The following MGAT5 variants were observed in gnomAD, a reference collection of about 807,000 sequenced individuals.
MGAT5 encodes the protein alpha-1,6-mannosylglycoprotein 6-beta-N-acetylglucosaminyltransferase.
Under a neutral mutation model 94.3 loss-of-function variants are expected in MGAT5, and 30 were observed. The ratio of observed to expected loss-of-function variants is 0.32; its 90% CI spans 0.24 to 0.43. MGAT5 has a LOEUF of 0.43. Among genes scored for constraint, MGAT5 ranks in the 20% least tolerant of loss-of-function variants. The pLI, the probability that MGAT5 is intolerant of heterozygous loss-of-function variation, is 1.00. For synonymous variants in MGAT5, 310 were observed against 322.9 expected, an observed-to-expected ratio of 0.96 and a Z score of 0.43; for missense variants, 691 against 905.5, an observed-to-expected ratio of 0.76 and a Z score of 3.04.
chr2:134,206,486 T>A (rs552163671), intron 1 of MGAT5, among the ~76,000 whole-genome samples: 1 of 152,220 alleles, frequency 6.6e-6, no homozygotes, highest in Non-Finnish European at 1.5e-5. Flanking sequence ...ACTTAGTGGC[T>A]TAAAAGAACA....
At chr2:134,316,491 G>T (rs1687006451) in intron 2 of MGAT5, among the ~76,000 whole-genome samples, 1 of 152,128 alleles carries the variant, frequency 6.6e-6, no homozygotes, top group South Asian at 2.1e-4. Flanking sequence ...CTGCCATAAT[G>T]CCTGTTATAC....
chr2:134,264,352 T>A (rs887650545), intron 1 of MGAT5, among the ~76,000 whole-genome samples: 15 of 152,168 alleles, frequency 9.9e-5, no homozygotes, highest in African/African-American at 3.4e-4. Flanking sequence ...GACTGTATAC[T>A]TTTCGTTTTT....
intron 9 of MGAT5, among the ~76,000 whole-genome samples, chr2:134,359,367 A>G (rs1404475391): frequency 6.6e-6 from 1 of 152,246 alleles, no homozygotes; most frequent in Non-Finnish European, 1.5e-5. Flanking sequence ...TCTGAATCCC[A>G]GTGTTGCCAT....
chr2:134,425,352 T>C (rs973913858), intron 13 of MGAT5, among the ~76,000 whole-genome samples: 6 of 152,034 alleles, frequency 3.9e-5, no homozygotes, highest in Non-Finnish European at 4.4e-5. Context: ...TGTTTTTAGT[T>C]TTTTTTGTTT....
At chr2:134,417,057 T>C (rs1684018992) in intron 12 of MGAT5, among the ~76,000 whole-genome samples, 3 of 152,170 alleles carry the variant, frequency 2.0e-5, no homozygotes, top group South Asian at 4.1e-4. Flanking sequence ...CAAAAGGTTG[T>C]AGTCACCTTT....
chr2:134,147,096 CTCTT>C lies in MGAT5; in HGVS notation c.-143+26811_-143+26814del, dbSNP rs148149802. On this transcript the variant is annotated intron_variant, in intron 1 of 16. Coordinates refer to the MGAT5 transcript ENST00000409645. Reference sequence around the variant, plus strand: ...GTTTGGGTTCCTGCTCTCTCTCGCTCTCTTTCTTTTTTCCTGAGAGAGTGATTTT... The same window carrying C: ...GTTTGGGTTCCTGCTCTCTCTCGCTCTCTTTTTTCCTGAGAGAGTGATTTT... Among the ~76,000 whole-genome samples, 3,483 of 152,246 alleles carry C rather than the reference CTCTT, an allele frequency of 0.023. 294 individuals are homozygous for C. In the East Asian group the frequency reaches 0.26, roughly 12 times the overall value.
chr2:134,442,923 T>C (rs1419203327), intron 15 of MGAT5, among the ~76,000 whole-genome samples: 1 of 149,338 alleles, frequency 6.7e-6, no homozygotes, highest in Non-Finnish European at 1.5e-5. Flanking sequence ...AGGTGTACCA[T>C]TCCAGGCTTG....
chr2:134,381,387 T>TC (rs1558841770), intron 10 of MGAT5, among the ~76,000 whole-genome samples: 1 of 46,850 alleles, frequency 2.1e-5, no homozygotes, highest in Admixed American at 2.3e-4. Flanking sequence ...ATAGATTAGA[T>TC]AGATAGATAG....
At chr2:134,335,552 A>T (rs1225810888) in intron 4 of MGAT5, among the ~76,000 whole-genome samples, 1 of 151,308 alleles carries the variant, frequency 6.6e-6, no homozygotes, top group Non-Finnish European at 1.5e-5. Context: ...TCTAAACCTT[A>T]TTCATTGACA....
intron 2 of MGAT5, among the ~76,000 whole-genome samples, chr2:134,302,793 C>T (rs1361507562): frequency 6.8e-6 from 1 of 147,598 alleles, no homozygotes; most frequent in South Asian, 2.1e-4. Flanking sequence ...CTTCTTCTGA[C>T]GAGATGTCAG....
chr2:134,131,389 C>T (rs1229722879), intron 1 of MGAT5, among the ~76,000 whole-genome samples: 1 of 152,150 alleles, frequency 6.6e-6, no homozygotes, highest in Non-Finnish European at 1.5e-5. Context: ...ACTGGCAGAG[C>T]CAGGGTACAA....
At chr2:134,325,086 G>A (rs1687563732) in intron 4 of MGAT5, among the ~76,000 whole-genome samples, 1 of 151,198 alleles carries the variant, frequency 6.6e-6, no homozygotes, top group Non-Finnish European at 1.5e-5. Flanking sequence ...TCTCCCTTTA[G>A]CCCCTCACCC....
chr2:134,393,474 G>T (rs1235599980), intron 10 of MGAT5, among the ~76,000 whole-genome samples: 1 of 152,114 alleles, frequency 6.6e-6, no homozygotes, highest in Non-Finnish European at 1.5e-5. Context: ...TTTACCCTGC[G>T]TATAATTATT....
chr2:134,372,082 A>G (rs753219761), intron 10 of MGAT5, among the ~76,000 whole-genome samples: 14 of 152,190 alleles, frequency 9.2e-5, no homozygotes, highest in Non-Finnish European at 1.9e-4. Flanking sequence ...ATGCTCCAAC[A>G]GGTGCTCCAA....
chr2:134,122,893 A>G (rs570960877), intron 1 of MGAT5, among the ~76,000 whole-genome samples: 5 of 152,340 alleles, frequency 3.3e-5, no homozygotes, highest in African/African-American at 9.6e-5. Flanking sequence ...GTATGCTCCA[A>G]CTGCTGCTGC....
chr2:134,190,277 A>T (rs1273377797), intron 1 of MGAT5, among the ~76,000 whole-genome samples: 1 of 152,178 alleles, frequency 6.6e-6, no homozygotes. Flanking sequence ...CTTCCCTGCT[A>T]TCTCAGTTAT....
chr2:134,385,908 A>G (rs1365626213), intron 10 of MGAT5, among the ~76,000 whole-genome samples: 1 of 152,172 alleles, frequency 6.6e-6, no homozygotes, highest in East Asian at 1.9e-4. Context: ...GGCATATAAA[A>G]TAAGGTCATA....
chr2:134,192,557 A>C (rs1192015579), intron 1 of MGAT5, among the ~76,000 whole-genome samples: 2 of 152,226 alleles, frequency 1.3e-5, no homozygotes, highest in African/African-American at 4.8e-5. Context: ...ACAAGCCTAA[A>C]AATCCTCGTA....
intron 1 of MGAT5, among the ~76,000 whole-genome samples, chr2:134,239,597 C>T (rs1681858193): frequency 6.6e-6 from 1 of 152,096 alleles, no homozygotes; most frequent in South Asian, 2.1e-4. Context: ...TGACATTGAG[C>T]CCGCCTGGGT....
Sources: allele counts gnomAD v4.1 joint callset (sites outside exome capture counted in the v4.1 genomes callset), GRCh38; gene constraint gnomAD v4.1.1; transcripts MANE v1.5; gene names NCBI Gene and HGNC (gene_info 2026-07-23, HGNC 2026-07-21).